PCDH15: variants seen among roughly 807,000 people sequenced by gnomAD.
PCDH15 encodes protocadherin-15.
PCDH15 carries 129 observed loss-of-function variants against 178.5 expected under a neutral mutation model. The ratio of observed to expected loss-of-function variants is 0.72; its 90% CI spans 0.63 to 0.84. The LOEUF is 0.84. Ranked by LOEUF, PCDH15 falls within the 40% of genes least tolerant of loss-of-function variation. The probability of loss-of-function intolerance (pLI) is 0.00; values close to 1 mark genes in which losing one functional copy is unlikely to be tolerated. For synonymous variants in PCDH15, 800 were observed against 732.0 expected, an observed-to-expected ratio of 1.09 and a Z score of -1.50; for missense variants, 2,230 against 2,099.9, an observed-to-expected ratio of 1.06 and a Z score of -1.21.
intron 13 of PCDH15, among the ~76,000 whole-genome samples, chr10:54,171,855 A>G (rs1185854130): frequency 6.6e-6 from 1 of 151,314 alleles, no homozygotes; most frequent in Non-Finnish European, 1.5e-5. Context: ...TAACATCCCC[A>G]CAATATCACC....
At chr10:55,579,164 G>C (rs1198904638) in intron 2 of PCDH15, among the ~76,000 whole-genome samples, 2 of 152,020 alleles carry the variant, frequency 1.3e-5, no homozygotes, top group Non-Finnish European at 2.9e-5. Context: ...ACTGAATTTA[G>C]AATTTCAAAA....
chr10:53,816,342 G>C (rs954099142), intron 34 of PCDH15, 65 bp from the exon 35 acceptor site: 2 of 398,018 alleles, frequency 5.0e-6, no homozygotes, highest in African/African-American at 4.1e-5. Flanking sequence ...GGTAGATCAT[G>C]ATTGAGAAGA....
chr10:54,859,501 C>T (rs558511580), intron 3 of PCDH15, among the ~76,000 whole-genome samples: 26 of 152,024 alleles, frequency 1.7e-4, no homozygotes, highest in African/African-American at 6.3e-4. Context: ...TCATTTTGTA[C>T]ATGAACATAA....
chr10:54,954,102 T>C (rs1392784781), intron 2 of PCDH15, among the ~76,000 whole-genome samples: 4 of 151,320 alleles, frequency 2.6e-5, no homozygotes, highest in African/African-American at 9.7e-5. Flanking sequence ...TTGTTAGTTT[T>C]CTGTTTAAAA....
intron 1 of PCDH15, among the ~76,000 whole-genome samples, chr10:54,756,089 A>ACACACACACACACACACT (rs143374986): frequency 0.025 from 3,648 of 148,148 alleles, 38 homozygotes; most frequent in African/African-American, 0.039. Flanking sequence ...ACACACACAC[A>ACACACACACACACACACT]CACACACAAA....
intron 8 of PCDH15, among the ~76,000 whole-genome samples, chr10:54,306,952 T>A (rs755055498): frequency 6.9e-6 from 1 of 145,596 alleles, no homozygotes; most frequent in Non-Finnish European, 1.5e-5. Context: ...AATCTTCTAA[T>A]AGTTTACTTT....
At chr10:55,475,911 A>AT (rs1477173577) in intron 2 of PCDH15, among the ~76,000 whole-genome samples, 3 of 152,036 alleles carry the variant, frequency 2.0e-5, no homozygotes, top group African/African-American at 7.2e-5. Flanking sequence ...GCCAGCCCTT[A>AT]TTGGAGAACA....
chr10:54,834,360 G>T (rs1953276938), intron 3 of PCDH15, among the ~76,000 whole-genome samples: 1 of 151,804 alleles, frequency 6.6e-6, no homozygotes, highest in Non-Finnish European at 1.5e-5. Flanking sequence ...TGTATTTTTA[G>T]TAGAGACGGG....
intron 3 of PCDH15, among the ~76,000 whole-genome samples, chr10:54,455,146 C>G (rs775903862): frequency 6.6e-6 from 1 of 152,092 alleles, no homozygotes; most frequent in Non-Finnish European, 1.5e-5. Context: ...GCCTCTCCAG[C>G]CCTGTGGAAC....
intron 18 of PCDH15, among the ~76,000 whole-genome samples, chr10:54,038,268 C>T (rs541268855): frequency 6.6e-5 from 10 of 151,896 alleles, no homozygotes; most frequent in Non-Finnish European, 1.2e-4. Context: ...AAGAGCCTCT[C>T]ACTTTGATTC....
chr10:54,649,398 G>A (rs111614658), intron 2 of PCDH15, among the ~76,000 whole-genome samples: 3 of 152,156 alleles, frequency 2.0e-5, no homozygotes, highest in East Asian at 1.9e-4. Context: ...TTCCTGGGGA[G>A]ATATCATCAG....
chr10:55,264,751 A>G (rs1842235697), intron 1 of PCDH15, among the ~76,000 whole-genome samples: 1 of 152,128 alleles, frequency 6.6e-6, no homozygotes, highest in Admixed American at 6.5e-5. Context: ...AGCCTTCTGC[A>G]CAAAGGTTTG....
chr10:55,444,658 C>T (rs1473583069), intron 2 of PCDH15, among the ~76,000 whole-genome samples: 1 of 152,066 alleles, frequency 6.6e-6, no homozygotes, highest in Non-Finnish European at 1.5e-5. Flanking sequence ...ATTAGAATCT[C>T]TTGCCAAAAC....
chr10:55,431,377 G>A lies in PCDH15; in HGVS notation c.-156+196248C>T, dbSNP rs1838876816. On this transcript the variant is annotated intron_variant, in intron 2 of 5. Coordinates refer to the PCDH15 transcript ENST00000613346. ...TCCTGCCTACATAAAATCTTGTCAC[G>A]ACTAAGGCTCCATCTCTCGCTTCCA... Among the ~76,000 whole-genome samples the A allele has an allele frequency of 4.6e-5, 7 of 152,120 alleles. No homozygotes were observed. In the South Asian group the frequency reaches 1.2e-3, roughly 27 times the overall value.
At chr10:54,445,731 T>A (rs2076105155) in intron 3 of PCDH15, among the ~76,000 whole-genome samples, 1 of 151,584 alleles carries the variant, frequency 6.6e-6, no homozygotes, top group African/African-American at 2.4e-5. Context: ...TTTTCTTATA[T>A]TTTTCCTTCA....
At chr10:54,593,929 G>A (rs889850943) in intron 2 of PCDH15, among the ~76,000 whole-genome samples, 2 of 151,710 alleles carry the variant, frequency 1.3e-5, no homozygotes, top group African/African-American at 4.8e-5. Context: ...GAGGGACCAC[G>A]ACATCAGGAA....
At chr10:54,217,309 T>G (rs949104217) in intron 9 of PCDH15, among the ~76,000 whole-genome samples, 2 of 152,112 alleles carry the variant, frequency 1.3e-5, no homozygotes, top group Non-Finnish European at 2.9e-5. Flanking sequence ...CTACCCCAGG[T>G]GAATTTTAAA....
At chr10:55,071,963 A>G (rs1285367622) in intron 2 of PCDH15, among the ~76,000 whole-genome samples, 1 of 152,172 alleles carries the variant, frequency 6.6e-6, no homozygotes, top group Non-Finnish European at 1.5e-5. Flanking sequence ...CCGCTCAACT[A>G]CATGGAAACT....
intron 3 of PCDH15, among the ~76,000 whole-genome samples, chr10:54,809,556 T>A (rs531396944): frequency 6.6e-6 from 1 of 152,282 alleles, no homozygotes; most frequent in East Asian, 1.9e-4. Flanking sequence ...TTACACACTA[T>A]GTATACATTG....
Sources: allele counts gnomAD v4.1 joint callset (sites outside exome capture counted in the v4.1 genomes callset), GRCh38; gene constraint gnomAD v4.1.1; transcripts MANE v1.5; gene names NCBI Gene and HGNC (gene_info 2026-07-23, HGNC 2026-07-21).